TENM4: variants seen among roughly 807,000 people sequenced by gnomAD.
TENM4 encodes teneurin transmembrane protein 4.
TENM4 carries 82 observed loss-of-function variants against 243.3 expected under a neutral mutation model. The ratio of observed to expected loss-of-function variants is 0.34; its 90% CI spans 0.28 to 0.40. TENM4 has a LOEUF of 0.40. Ranked by LOEUF, TENM4 falls within the 10% of genes least tolerant of loss-of-function variation. The pLI is 1.00. For synonymous variants in TENM4, 1,412 were observed against 1,456.3 expected, an observed-to-expected ratio of 0.97 and a Z score of 0.69; for missense variants, 3,138 against 3,673.3, an observed-to-expected ratio of 0.85 and a Z score of 3.77.
At chr11:79,005,833 T>A (rs1157722508) in intron 6 of TENM4, among the ~76,000 whole-genome samples, 1 of 152,192 alleles carries the variant, frequency 6.6e-6, no homozygotes, top group Non-Finnish European at 1.5e-5. Flanking sequence ...TATGATTCTA[T>A]ACCTAGAAAA....
intron 3 of TENM4, among the ~76,000 whole-genome samples, chr11:79,168,789 A>G (rs1862976582): frequency 1.3e-5 from 2 of 152,154 alleles, no homozygotes; most frequent in Admixed American, 1.3e-4. Context: ...TGCTTTGATC[A>G]ATAGGACGAG....
chr11:79,395,383 A>G (rs1289730668), intron 1 of TENM4, among the ~76,000 whole-genome samples: 1 of 152,236 alleles, frequency 6.6e-6, no homozygotes, highest in Non-Finnish European at 1.5e-5. Context: ...TGAATCACAC[A>G]GACTCCATTC....
rs1855662105 is a variant in TENM4, at chr11:79,254,233, G to A, written c.-264-38324C>T. Among the ~76,000 whole-genome samples, 3 of 152,106 alleles carry A rather than the reference G, an allele frequency of 2.0e-5. No homozygotes were observed. The South Asian group carries it at 6.2e-4, about 31-fold the overall frequency. ...CATGCCAAGATAGGCATATGTCACA[G>A]CAAAAAACTAGAAAAACGTAAGTGT... On this transcript the variant is annotated intron_variant, in intron 2 of 33. Coordinates refer to ENST00000278550, the MANE Select transcript of TENM4 (RefSeq NM_001098816.3).
At chr11:78,998,659 G>T (rs72947317) in intron 6 of TENM4, among the ~76,000 whole-genome samples, 10,484 of 152,232 alleles carry the variant, frequency 0.069, 438 homozygotes, top group Admixed American at 0.14. Flanking sequence ...GTTCTGCCAG[G>T]GTGAAGTTGC....
chr11:79,182,425 T>C (rs1863301726), intron 3 of TENM4, among the ~76,000 whole-genome samples: 1 of 152,116 alleles, frequency 6.6e-6, no homozygotes, highest in Admixed American at 6.5e-5. Context: ...CCTCATTCCC[T>C]TCACAAGAAT....
At position 78,676,272 on chromosome 11, in the gene TENM4, G is replaced by C; in HGVS notation, c.5376C>G (p.Asn1792Lys). 1 of 1,612,936 alleles carries C rather than the reference G, an allele frequency of 6.2e-7. No homozygotes were observed. Among genetic ancestry groups the C allele is most frequent in the Non-Finnish European group, 8.5e-7 (1 of 1,179,078 alleles). The change falls in exon 30 of 34, where the codon AAC (asparagine) becomes AAG (lysine). Residue 1792 changes from asparagine to lysine, a missense_variant. This residue lies in a region of TENM4 where 2,467 missense variants were observed against 3,059.1 expected (regional missense o/e 0.81). Transcript: ENST00000278550. Reference sequence around the variant, plus strand: ...TGACATTCCTCTTGCCCACGGTGGGGTTGACGGTGCCAGCCAGCAAGTGGG... The same window carrying C: ...TGACATTCCTCTTGCCCACGGTGGGCTTGACGGTGCCAGCCAGCAAGTGGG... ...TEPHLLAGTV[N>K]PTVGKRNVTL...
rs1222373947 is a variant in TENM4, at chr11:79,438,450, G to T, written c.-321+2059C>A. The stretch of plus-strand genomic sequence containing the variant: ...CCAGCCCCATCCCGTCCCCATCAGC[G>T]CCGGGCTAGCGCAGGAAACCAGGAA... On this transcript the variant is annotated intron_variant, in intron 1 of 33. Coordinates refer to ENST00000278550, the MANE Select transcript of TENM4 (RefSeq NM_001098816.3). The surrounding 1 kb of genome is among the most constrained non-coding windows in gnomAD (Gnocchi z 4.1). 6.6e-6 allele frequency among the ~76,000 whole-genome samples: 1 copy of T among 152,110 alleles called. No individual in the cohort carries two copies. The highest frequency in any genetic ancestry group is 1.9e-4 in the East Asian group (1 of 5,168).
intron 7 of TENM4, among the ~76,000 whole-genome samples, chr11:78,895,071 T>C (rs1855759552): frequency 1.4e-5 from 2 of 145,546 alleles, no homozygotes; most frequent in Non-Finnish European, 3.0e-5. Context: ...CTGCTGGGCG[T>C]TGTGGCTCAC....
intron 28 of TENM4, 65 bp from the exon 29 acceptor site, chr11:78,688,291 A>C: frequency 4.6e-6 from 7 of 1,518,440 alleles, no homozygotes; most frequent in Non-Finnish European, 6.3e-6. Flanking sequence ...AACTTGGTGC[A>C]TTCTACCTCA....
At chr11:79,251,111 C>A (rs1459918130) in intron 2 of TENM4, among the ~76,000 whole-genome samples, 1 of 152,192 alleles carries the variant, frequency 6.6e-6, no homozygotes, top group Non-Finnish European at 1.5e-5. Context: ...GTATATGAGA[C>A]ACAGGCACAC....
intron 1 of TENM4, among the ~76,000 whole-genome samples, chr11:79,404,623 C>G (rs1291355903): frequency 6.6e-6 from 1 of 152,142 alleles, no homozygotes; most frequent in Non-Finnish European, 1.5e-5. Flanking sequence ...GTGAATTTTA[C>G]CTCATTTTTT....
intron 1 of TENM4, among the ~76,000 whole-genome samples, chr11:79,363,157 T>A (rs1857619870): frequency 6.6e-6 from 1 of 152,226 alleles, no homozygotes; most frequent in Non-Finnish European, 1.5e-5. Flanking sequence ...AAATCTAGAT[T>A]TCCAGTTTCT....
intron 6 of TENM4, among the ~76,000 whole-genome samples, chr11:78,996,939 G>A (rs1401816852): frequency 6.6e-6 from 1 of 152,140 alleles, no homozygotes; most frequent in Non-Finnish European, 1.5e-5. Flanking sequence ...CGATGTGAAG[G>A]TGCCAAAGAA....
chr11:78,823,473 A>T (rs1438503873), intron 12 of TENM4, among the ~76,000 whole-genome samples: 1 of 152,214 alleles, frequency 6.6e-6, no homozygotes. Context: ...GGAACTTAGC[A>T]TTCAGGAGCA....
At chr11:79,204,892 T>C (rs976167481) in intron 3 of TENM4, among the ~76,000 whole-genome samples, 1 of 152,202 alleles carries the variant, frequency 6.6e-6, no homozygotes, top group Non-Finnish European at 1.5e-5. Context: ...CACAACGGGT[T>C]ATACACAGTG....
chr11:78,766,419 T>C lies in TENM4; in HGVS notation c.2539+4573A>G, dbSNP rs185555924. ...AGAAGATGCATGTGTCTGTACCTAA[T>C]AAGGGGCTTCTCAAAGCACACAGTA... On this transcript the variant is annotated intron_variant, in intron 18 of 33. Coordinates refer to ENST00000278550, the MANE Select transcript of TENM4 (RefSeq NM_001098816.3). 2.0e-5 allele frequency among the ~76,000 whole-genome samples: 3 copies of C among 152,296 alleles called. No homozygotes were observed. The East Asian group carries it at 5.8e-4, about 29-fold the overall frequency.
chr11:79,164,957 A>ATATATGTG lies in TENM4; in HGVS notation c.-162-16152_-162-16151insCACATATA, dbSNP rs1555020448. On this transcript the variant is annotated intron_variant, in intron 3 of 33. Coordinates refer to ENST00000278550, the MANE Select transcript of TENM4 (RefSeq NM_001098816.3). ...GAAAATGGACTAATACTATATATAT[A>ATATATGTG]TGTGTGTGTGTGTGTGTGTGTGTGT... Among the ~76,000 whole-genome samples, 832 of 139,902 alleles carry ATATATGTG rather than the reference A, an allele frequency of 5.9e-3. 2 individuals are homozygous for ATATATGTG. The highest frequency in any genetic ancestry group is 9.7e-3 in the African/African-American group (368 of 37,978). The allele number at this position is 139,902 out of a possible 152,430, so 91.8% of individuals were successfully genotyped here.
rs1390240473 is a variant in TENM4, at chr11:78,903,530, C to G, written c.494-7G>C. On this transcript the variant is annotated splice_region_variant and splice_polypyrimidine_tract_variant and intron_variant, in intron 6 of 33. Transcript: ENST00000278550. ...TGCAGGCCGCCCGGATGATCTAGGG[C>G]ACAAACATGGCGGTCAGCGGCGGTG... The G allele has an allele frequency of 8.4e-6, 13 of 1,545,106 alleles. No homozygotes were observed. Among genetic ancestry groups the G allele is most frequent in the Non-Finnish European group, 1.1e-5 (13 of 1,146,594 alleles).
chr11:79,111,311 C>T (rs1216326657), intron 4 of TENM4, among the ~76,000 whole-genome samples: 2 of 152,060 alleles, frequency 1.3e-5, no homozygotes, highest in Admixed American at 6.6e-5. Flanking sequence ...TTTGGGAGGC[C>T]GAGGTGGGTA....
Sources: allele counts gnomAD v4.1 joint callset (sites outside exome capture counted in the v4.1 genomes callset), GRCh38; gene constraint gnomAD v4.1.1; regional missense constraint gnomAD v4.1.1; non-coding constraint Gnocchi (gnomAD v3.1); transcripts MANE v1.5; gene names NCBI Gene and HGNC (gene_info 2026-07-23, HGNC 2026-07-21).